NCKAP5: variants seen among roughly 807,000 people sequenced by gnomAD.
The protein encoded by NCKAP5 is NCK associated protein 5.
A neutral mutation model predicts 167.0 loss-of-function variants in NCKAP5; 92 were observed. That is an observed-to-expected ratio of 0.55 (90% confidence interval 0.47 to 0.66). The LOEUF (loss-of-function observed/expected upper bound fraction) is 0.66. Among genes scored for constraint, NCKAP5 ranks in the 30% least tolerant of loss-of-function variants. The probability of loss-of-function intolerance (pLI) is 0.00; values close to 1 mark genes in which losing one functional copy is unlikely to be tolerated. For missense variants in NCKAP5, 2,378 were observed against 2,315.0 expected (o/e 1.03, Z -0.56); for synonymous variants, 891 against 877.4 (o/e 1.02, Z -0.27).
chr2:133,609,718 G>A, the NCKAP5 span, among the ~76,000 whole-genome samples: 1 of 152,078 alleles, frequency 6.6e-6, no homozygotes, highest in South Asian at 2.1e-4. Flanking sequence ...TGGCCCAACA[G>A]CTCTGAGTTT....
chr2:133,647,625 A>AGAAG, the NCKAP5 span, among the ~76,000 whole-genome samples: 78 of 139,852 alleles, frequency 5.6e-4, no homozygotes, highest in South Asian at 0.017. Context: ...ACAGAAAGAT[A>AGAAG]GAAGGAAGGA....
intron 1 of NCKAP5, among the ~76,000 whole-genome samples, chr2:133,565,389 T>C (rs1688474405): frequency 2.0e-5 from 3 of 152,252 alleles, no homozygotes; most frequent in Admixed American, 2.0e-4. Flanking sequence ...TTGTTTTAGC[T>C]ACATTAAGAT....
intron 4 of NCKAP5, among the ~76,000 whole-genome samples, chr2:133,230,480 C>A (rs1432164576): frequency 6.6e-6 from 1 of 152,172 alleles, no homozygotes; most frequent in Non-Finnish European, 1.5e-5. Context: ...GGAAACATTA[C>A]CAATACTAAT....
At chr2:133,135,928 TAAC>T (rs2082773076) in intron 5 of NCKAP5, among the ~76,000 whole-genome samples, 1 of 152,184 alleles carries the variant, frequency 6.6e-6, no homozygotes, top group Admixed American at 6.5e-5. Flanking sequence ...AAACTCTGTA[TAAC>T]ATTTGTCTTT....
intron 6 of NCKAP5, among the ~76,000 whole-genome samples, chr2:132,995,016 T>TATAG (rs2077553008): frequency 6.6e-6 from 1 of 152,140 alleles, no homozygotes; most frequent in South Asian, 2.1e-4. Flanking sequence ...GGTGCACCTG[T>TATAG]ATAGGCCACT....
intron 4 of NCKAP5, among the ~76,000 whole-genome samples, chr2:133,263,278 T>C (rs1047860214): frequency 1.4e-5 from 2 of 141,628 alleles, no homozygotes; most frequent in Admixed American, 1.4e-4. Context: ...AAACAAACTC[T>C]CTAGGAAAAA....
intron 16 of NCKAP5, among the ~76,000 whole-genome samples, chr2:132,736,649 T>C (rs1428643851): frequency 6.7e-6 from 1 of 149,806 alleles, no homozygotes; most frequent in Admixed American, 6.7e-5. Flanking sequence ...CAGTTGGGCA[T>C]GGTGGCATGC....
chr2:132,797,462 TA>T (rs1248619922), intron 11 of NCKAP5, among the ~76,000 whole-genome samples: 1 of 152,188 alleles, frequency 6.6e-6, no homozygotes, highest in African/African-American at 2.4e-5. Flanking sequence ...GCAAATACAA[TA>T]AAAGTCGTGA....
chr2:133,092,161 T>C (rs2081206059), intron 6 of NCKAP5, among the ~76,000 whole-genome samples: 1 of 152,176 alleles, frequency 6.6e-6, no homozygotes, highest in African/African-American at 2.4e-5. Flanking sequence ...GGAAATAGGA[T>C]ATTTGTAGGT....
In NCKAP5 at chr2:132,920,771, G is replaced by GTGTGTATATATA. The variant is rs1219401757; in HGVS notation, c.580-41856_580-41855insTATATATACACA. On this transcript the variant is annotated intron_variant, in intron 8 of 19. Transcript: ENST00000409261. ...TATATATATATGTATATATATGTAT[G>GTGTGTATATATA]TATATATATATATATATATATATAT... Among the ~76,000 whole-genome samples the GTGTGTATATATA allele has an allele frequency of 1.8e-3, 58 of 31,572 alleles. 3 individuals are homozygous for GTGTGTATATATA. The highest frequency in any genetic ancestry group is 3.5e-3 in the Non-Finnish European group (53 of 15,318). 20.7% of individuals were successfully genotyped at this position (31,572 alleles called of 152,430 possible).
chr2:133,517,555 C>T lies in NCKAP5; in HGVS notation c.-29G>A, dbSNP rs1209984038. ...TGAAGTTATTTATTTTCTTTTGTGACTTATAAGAATCCCCCGTCTGTTTCC... is the reference window on the plus strand; with the variant it reads ...TGAAGTTATTTATTTTCTTTTGTGATTTATAAGAATCCCCCGTCTGTTTCC... On this transcript the variant is annotated 5_prime_UTR_variant, in exon 3 of 20. Coordinates refer to ENST00000409261, the MANE Select transcript of NCKAP5 (RefSeq NM_207363.3). The T allele has an allele frequency of 2.8e-6, 4 of 1,432,910 alleles. No individual in the cohort carries two copies. Among genetic ancestry groups the T allele is most frequent in the Non-Finnish European group, 3.8e-6 (4 of 1,061,622 alleles). The allele number at this position is 1,432,910 out of a possible 1,614,324, so 88.8% of individuals were successfully genotyped here.
intron 11 of NCKAP5, among the ~76,000 whole-genome samples, chr2:132,819,764 A>C (rs544906132): frequency 2.6e-5 from 4 of 152,178 alleles, no homozygotes; most frequent in Non-Finnish European, 5.9e-5. Flanking sequence ...AAAAAGATAA[A>C]GATAATTTTC....
chr2:132,892,434 C>T lies in NCKAP5; in HGVS notation c.580-13518G>A, dbSNP rs72992885. 6.6e-4 allele frequency among the ~76,000 whole-genome samples: 100 copies of T among 152,268 alleles called. 1 individual carries two copies. Among genetic ancestry groups the T allele is most frequent in the African/African-American group, 2.3e-3 (96 of 41,538 alleles). On this transcript the variant is annotated intron_variant, in intron 8 of 19. Coordinates refer to ENST00000409261, the MANE Select transcript of NCKAP5 (RefSeq NM_207363.3). ...CCTTAAAACATATTCCATCCCCCAC[C>T]ACCAGATGTGCTTTCAGAGATACAA...
chr2:133,517,505 C>T lies in NCKAP5; in HGVS notation c.22G>A (p.Glu8Lys), dbSNP rs746030227. ...AGCCTTTTTCCAAAGTCCCTTTTCT[C>T]AAGCTGTCTCTTTCCCTCCATGGAT... The part of the protein sequence containing the change: MEGKRQL[E>K]KRDFGKRLSL... The change falls in exon 3 of 20, where the codon GAG becomes AAG. Residue 8 changes from glutamate to lysine, a missense_variant. Transcript: ENST00000409261. The T allele has an allele frequency of 1.4e-5, 21 of 1,539,162 alleles. No homozygotes were observed. In the South Asian group the frequency reaches 2.4e-4, roughly 18 times the overall value.
At chr2:133,530,855 G>C (rs769390250) in intron 2 of NCKAP5, among the ~76,000 whole-genome samples, 87 of 152,298 alleles carry the variant, frequency 5.7e-4, no homozygotes, top group Middle Eastern at 6.8e-3. Context: ...AGCCACTGGA[G>C]GAGAGGTGAC....
chr2:132,847,569 C>T (rs1019151458), intron 11 of NCKAP5, among the ~76,000 whole-genome samples: 6 of 152,124 alleles, frequency 3.9e-5, no homozygotes, highest in South Asian at 2.1e-4. Flanking sequence ...TGCATTAGTA[C>T]GCCAAATCCC....
chr2:132,845,605 G>C (rs1688602185), intron 11 of NCKAP5, among the ~76,000 whole-genome samples: 1 of 152,024 alleles, frequency 6.6e-6, no homozygotes, highest in African/African-American at 2.4e-5. Context: ...GGGCCTTTTA[G>C]ACTTCTCCTC....
intron 4 of NCKAP5, among the ~76,000 whole-genome samples, chr2:133,285,046 C>G (rs759785125): frequency 5.3e-5 from 8 of 152,214 alleles, no homozygotes; most frequent in Non-Finnish European, 4.4e-5. Context: ...CAGAAACCCT[C>G]TATCATATAT....
chr2:132,926,009 T>C (rs1197317223), intron 8 of NCKAP5, among the ~76,000 whole-genome samples: 1 of 152,192 alleles, frequency 6.6e-6, no homozygotes, highest in Non-Finnish European at 1.5e-5. Context: ...GTATCCATTA[T>C]GTAATTTCTC....
Sources: allele counts gnomAD v4.1 joint callset (sites outside exome capture counted in the v4.1 genomes callset), GRCh38; gene constraint gnomAD v4.1.1; transcripts MANE v1.5; gene names NCBI Gene and HGNC (gene_info 2026-07-23, HGNC 2026-07-21).